The following ELOVL5 variants were observed in gnomAD, a reference collection of about 807,000 sequenced individuals.
ELOVL5 encodes ELOVL fatty acid elongase 5, also known as very long chain fatty acid elongase 5.
Under a neutral mutation model 38.6 loss-of-function variants are expected in ELOVL5, and 8 were observed. That is an observed-to-expected ratio of 0.21 (90% CI 0.12 to 0.37). The LOEUF (loss-of-function observed/expected upper bound fraction) is 0.37, where lower values mean the gene tolerates loss of function less well. ELOVL5 is among the 10% of genes least tolerant of loss of function. The probability of loss-of-function intolerance (pLI) is 1.00; values close to 1 mark genes in which losing one functional copy is unlikely to be tolerated. For synonymous variants in ELOVL5, 127 were observed against 133.7 expected, an observed-to-expected ratio of 0.95 and a Z score of 0.34; for missense variants, 280 against 367.8, an observed-to-expected ratio of 0.76 and a Z score of 1.95.
intron 1 of ELOVL5, among the ~76,000 whole-genome samples, chr6:53,312,401 G>T (rs150707190): frequency 8.5e-5 from 13 of 152,316 alleles, no homozygotes; most frequent in Non-Finnish European, 1.9e-4. Context: ...CAACCTGAAT[G>T]AATCTCTAAA....
At chr6:53,298,007 G>GT (rs1767084838) in intron 1 of ELOVL5, among the ~76,000 whole-genome samples, 1 of 152,204 alleles carries the variant, frequency 6.6e-6, no homozygotes, top group South Asian at 2.1e-4. Context: ...TCTGCCCAAG[G>GT]TGGGTTCAGG....
At chr6:53,281,236 T>C (rs758768284) in intron 3 of ELOVL5, among the ~76,000 whole-genome samples, 1 of 152,176 alleles carries the variant, frequency 6.6e-6, no homozygotes, top group Non-Finnish European at 1.5e-5. Context: ...TAATGAAAAA[T>C]AGACTATCCA....
intron 3 of ELOVL5, among the ~76,000 whole-genome samples, chr6:53,286,805 T>C (rs1443947151): frequency 6.6e-6 from 1 of 152,206 alleles, no homozygotes; most frequent in African/African-American, 2.4e-5. Flanking sequence ...TAGTATACCA[T>C]TCACGTATGG....
At chr6:53,345,294 A>T (rs1038071711) in intron 1 of ELOVL5, among the ~76,000 whole-genome samples, 8 of 152,168 alleles carry the variant, frequency 5.3e-5, no homozygotes, top group Non-Finnish European at 1.2e-4. Flanking sequence ...TGCCCTCAGG[A>T]CTTTTCAGGT....
At chr6:53,286,251 T>G (rs1488540649) in intron 3 of ELOVL5, among the ~76,000 whole-genome samples, 2 of 152,314 alleles carry the variant, frequency 1.3e-5, no homozygotes, top group East Asian at 3.9e-4. Context: ...TGGCACACTG[T>G]TAATTGAACA....
At chr6:53,319,760 T>C (rs1186160831) in intron 1 of ELOVL5, among the ~76,000 whole-genome samples, 1 of 152,236 alleles carries the variant, frequency 6.6e-6, no homozygotes, top group African/African-American at 2.4e-5. Flanking sequence ...TGGTTCGGTA[T>C]AATGAGATCA....
Position 53,269,266 on chromosome 6 carries a change from T to A in ELOVL5, c.761A>T (p.Tyr254Phe). 6.2e-7 allele frequency: 1 copy of A among 1,609,924 alleles called. No individual in the cohort carries two copies. Among genetic ancestry groups the A allele is most frequent in the East Asian group, 2.2e-5 (1 of 44,810 alleles). ...ALFTNFYIQTYNKKGASRRKD... is the reference protein window; with the variant it reads ...ALFTNFYIQTFNKKGASRRKD... ...CCTTCGGGAGGCCCCTTTCTTGTTG[T>A]AGGTCTAAAATGTGTAAGGGCAGAT... The change falls in exon 8 of 8, where the codon TAC becomes TTC. Residue 254 changes from tyrosine to phenylalanine, a missense_variant. By Grantham distance (22) the Tyr-to-Phe change is conservative. Transcript: ENST00000304434.
chr6:53,311,826 T>C (rs1181934997), intron 1 of ELOVL5, among the ~76,000 whole-genome samples: 1 of 152,190 alleles, frequency 6.6e-6, no homozygotes. Flanking sequence ...GAATGGGAAG[T>C]GACCGATACT....
chr6:53,290,463 G>A (rs1222836592), intron 3 of ELOVL5: 1 of 152,182 alleles, frequency 6.6e-6, no homozygotes, highest in Non-Finnish European at 1.5e-5. Context: ...GGGGCCAGGA[G>A]TCACTCCTGT....
intron 5 of ELOVL5, 81 bp from the exon 6 acceptor site, chr6:53,273,425 G>A: frequency 2.4e-6 from 3 of 1,267,428 alleles, no homozygotes; most frequent in Non-Finnish European, 3.3e-6. Flanking sequence ...AAAAATACAA[G>A]ATTCTTTTTG....
At chr6:53,291,684 A>C (rs552031370) in intron 3 of ELOVL5, 92 bp downstream of exon 3, 1 of 1,038,876 alleles carries the variant, frequency 9.6e-7, no homozygotes, top group East Asian at 2.6e-5. Flanking sequence ...CTACACCCCA[A>C]GCGGCCACCT....
chr6:53,348,787 G>C (rs1303389210), intron 1 of ELOVL5, 30 bp downstream of exon 1: 1 of 453,284 alleles, frequency 2.2e-6, no homozygotes. Flanking sequence ...GGCGGCCCCC[G>C]ACGAAGTTTC....
intron 1 of ELOVL5, among the ~76,000 whole-genome samples, chr6:53,313,535 A>C (rs939597147): frequency 1.4e-4 from 22 of 152,050 alleles, no homozygotes; most frequent in African/African-American, 5.3e-4. Context: ...CTAATTAAAA[A>C]AAAAAATGTA....
At chr6:53,306,173 CG>C (rs1767532613) in intron 1 of ELOVL5, among the ~76,000 whole-genome samples, 1 of 142,886 alleles carries the variant, frequency 7.0e-6, no homozygotes, top group South Asian at 2.3e-4. Flanking sequence ...AGCTTTGGCT[CG>C]GCATGAGAGG....
At chr6:53,292,124 C>A (rs1405566492) in intron 2 of ELOVL5, among the ~76,000 whole-genome samples, 161 bp from the exon 3 acceptor site, 3 of 152,048 alleles carry the variant, frequency 2.0e-5, no homozygotes, top group Non-Finnish European at 2.9e-5. Flanking sequence ...CAATACATAT[C>A]AAACAAGGTG....
At chr6:53,296,371 G>A (rs1456136629) in intron 1 of ELOVL5, among the ~76,000 whole-genome samples, 1 of 152,060 alleles carries the variant, frequency 6.6e-6, no homozygotes, top group Non-Finnish European at 1.5e-5. Context: ...TTTCACAATT[G>A]TGGGTGAAAT....
At position 53,297,552 on chromosome 6, in the gene ELOVL5, T is replaced by G. The variant is rs558392268; in HGVS notation, c.-8-1845A>C. Among the ~76,000 whole-genome samples the G allele has an allele frequency of 3.9e-5, 6 of 152,334 alleles. No individual in the cohort carries two copies. The South Asian group carries it at 1.0e-3, about 26-fold the overall frequency. On this transcript the variant is annotated intron_variant, in intron 1 of 7. Coordinates refer to ENST00000304434, the MANE Select transcript of ELOVL5 (RefSeq NM_021814.5). ...CTTTGTAACCTTCTGGGTTATCAGA[T>G]CAACTGCCTCAGGATCGAAGTGCTC...
intron 1 of ELOVL5, among the ~76,000 whole-genome samples, chr6:53,307,070 C>T (rs940971793): frequency 6.6e-6 from 1 of 152,218 alleles, no homozygotes; most frequent in Non-Finnish European, 1.5e-5. Context: ...GACTGCTTTT[C>T]AGGCTACCAG....
intron 1 of ELOVL5, among the ~76,000 whole-genome samples, chr6:53,300,660 G>A (rs987183434): frequency 2.6e-5 from 4 of 152,164 alleles, no homozygotes; most frequent in Non-Finnish European, 4.4e-5. Context: ...CTGGGGTCAG[G>A]GCTAGGCTGG....
Sources: allele counts gnomAD v4.1 joint callset (sites outside exome capture counted in the v4.1 genomes callset), GRCh38; gene constraint gnomAD v4.1.1; transcripts MANE v1.5; gene names NCBI Gene and HGNC (gene_info 2026-07-23, HGNC 2026-07-21).